The following NFIB variants were observed in gnomAD, a reference collection of about 807,000 sequenced individuals.
NFIB encodes nuclear factor I B, also known as nuclear factor 1 B-type.
NFIB carries 11 observed loss-of-function variants against 61.5 expected under a neutral mutation model. The ratio of observed to expected loss-of-function variants is 0.18; its 90% CI spans 0.11 to 0.30. NFIB has a LOEUF of 0.30. NFIB is among the 10% of genes least tolerant of loss of function. NFIB has a pLI of 1.00. For synonymous variants in NFIB, 260 were observed against 216.5 expected (o/e 1.20, Z -1.76); for missense variants, 471 against 608.9 (o/e 0.77, Z 2.38).
intron 2 of NFIB, among the ~76,000 whole-genome samples, chr9:14,244,532 T>G (rs1053093956): frequency 1.4e-4 from 22 of 152,116 alleles, no homozygotes; most frequent in African/African-American, 4.8e-4. Flanking sequence ...ACCGATAACT[T>G]TAATCTCCAC....
At chr9:14,266,738 C>G (rs1012751444) in intron 2 of NFIB, among the ~76,000 whole-genome samples, 1 of 152,152 alleles carries the variant, frequency 6.6e-6, no homozygotes, top group Non-Finnish European at 1.5e-5. Context: ...CTCTCCCTTA[C>G]CCTCTACATC....
the NFIB span, among the ~76,000 whole-genome samples, chr9:14,429,474 C>A: frequency 6.6e-6 from 1 of 152,172 alleles, no homozygotes; most frequent in South Asian, 2.1e-4. Flanking sequence ...CCAGGCCTTG[C>A]CACAGATCTT....
the NFIB span, among the ~76,000 whole-genome samples, chr9:14,419,869 A>G: frequency 1.1e-4 from 17 of 152,326 alleles, no homozygotes; most frequent in African/African-American, 4.1e-4. Flanking sequence ...GAAAACATGA[A>G]CCTGAGCTTG....
At chr9:14,225,048 C>T (rs2052192409) in intron 2 of NFIB, among the ~76,000 whole-genome samples, 1 of 152,116 alleles carries the variant, frequency 6.6e-6, no homozygotes, top group Non-Finnish European at 1.5e-5. Context: ...AACTGCAACT[C>T]TGTACCCTCT....
intron 1 of NFIB, among the ~76,000 whole-genome samples, chr9:14,365,111 G>A (rs2061284794): frequency 6.6e-6 from 1 of 152,166 alleles, no homozygotes; most frequent in South Asian, 2.1e-4. Flanking sequence ...AAAGTGCTTA[G>A]CCCAGTGTCC....
At chr9:14,422,070 A>T in the NFIB span, among the ~76,000 whole-genome samples, 1 of 152,232 alleles carries the variant, frequency 6.6e-6, no homozygotes, top group African/African-American at 2.4e-5. Context: ...TAATATAATC[A>T]TATAAACAGG....
chr9:14,395,373 T>C (rs2061672668), intron 1 of NFIB, among the ~76,000 whole-genome samples: 1 of 149,240 alleles, frequency 6.7e-6, no homozygotes, highest in African/African-American at 2.5e-5. Context: ...AAAGTTTGGA[T>C]CCTGTTTGAA....
rs577486646 is a variant in NFIB, at chr9:14,379,902, C to G, written c.108+18622G>C. The stretch of plus-strand genomic sequence containing the variant: ...TTCACCATGTTGGCCAGGCTGGTCT[C>G]GAACTCCTGACCTCAGGTGATCCGC... On this transcript the variant is annotated intron_variant, in intron 1 of 8. Transcript: ENST00000380934. Among the ~76,000 whole-genome samples, 82 of 152,018 alleles carry G rather than the reference C, an allele frequency of 5.4e-4. No individual in the cohort carries two copies. In the Middle Eastern group the frequency reaches 0.02, roughly 38 times the overall value.
intron 1 of NFIB, among the ~76,000 whole-genome samples, chr9:14,328,497 T>G (rs1282719339): frequency 1.3e-5 from 2 of 152,008 alleles, no homozygotes; most frequent in Non-Finnish European, 2.9e-5. Context: ...ATCTTTAATT[T>G]TTTTTGGTTA....
the NFIB span, among the ~76,000 whole-genome samples, chr9:14,517,197 CA>C: frequency 6.6e-6 from 1 of 152,322 alleles, no homozygotes; most frequent in East Asian, 1.9e-4. Context: ...ATCATCACTC[CA>C]AGGCCCACAG....
intron 2 of NFIB, among the ~76,000 whole-genome samples, chr9:14,296,137 G>A (rs1689147351): frequency 6.6e-6 from 1 of 152,152 alleles, no homozygotes. Flanking sequence ...ATGACCCTCT[G>A]CTTCATATCC....
the NFIB span, among the ~76,000 whole-genome samples, chr9:14,530,044 C>T: frequency 1.3e-5 from 2 of 152,058 alleles, no homozygotes; most frequent in Admixed American, 6.6e-5. Flanking sequence ...CATCTTAATC[C>T]CAGTTTTTCA....
chr9:14,463,515 A>C, the NFIB span, among the ~76,000 whole-genome samples: 2 of 152,152 alleles, frequency 1.3e-5, no homozygotes, highest in Non-Finnish European at 2.9e-5. Context: ...TGATGTTGTT[A>C]ATAGCAAAGG....
chr9:14,108,833 T>TTG (rs2036937205), intron 10 of NFIB, among the ~76,000 whole-genome samples: 1 of 152,114 alleles, frequency 6.6e-6, no homozygotes, highest in African/African-American at 2.4e-5. Context: ...ATTTATTCAG[T>TTG]TGAAATCTCA....
At chr9:14,151,243 TC>T (rs2042839739) in intron 4 of NFIB, among the ~76,000 whole-genome samples, 1 of 152,082 alleles carries the variant, frequency 6.6e-6, no homozygotes, top group South Asian at 2.1e-4. Flanking sequence ...TGCTTTCTCC[TC>T]CAAACTTCTT....
intron 10 of NFIB, among the ~76,000 whole-genome samples, chr9:14,103,860 C>T (rs1283891015): frequency 6.6e-6 from 1 of 151,912 alleles, no homozygotes; most frequent in Non-Finnish European, 1.5e-5. Context: ...GTAGATTCTG[C>T]TCAGGATATA....
intron 2 of NFIB, among the ~76,000 whole-genome samples, chr9:14,262,568 G>A (rs2056853472): frequency 6.6e-6 from 1 of 152,076 alleles, no homozygotes; most frequent in African/African-American, 2.4e-5. Context: ...GTGGGCTGAA[G>A]GCTAGAAAAA....
At position 14,087,167 on chromosome 9, in the gene NFIB, T is replaced by A; in HGVS notation, c.*1142A>T. ...TTTTGTACACCCTATGGGTTCTTGA[T>A]GCAACCAGTAATTTTAAATAAATAA... On this transcript the variant is annotated 3_prime_UTR_variant, in exon 11 of 11. Transcript: ENST00000380953. 1 of 200,710 alleles carries A rather than the reference T, an allele frequency of 5.0e-6. No individual in the cohort carries two copies. Among genetic ancestry groups the A allele is most frequent in the East Asian group, 7.7e-5 (1 of 12,990 alleles). 12.4% of individuals were successfully genotyped at this position (200,710 alleles called of 1,614,324 possible). A position where few individuals can be genotyped will look rare whatever the true frequency, so the allele number is the denominator to read the frequency against.
intron 3 of NFIB, among the ~76,000 whole-genome samples, chr9:14,159,253 C>A (rs989991347): frequency 6.6e-6 from 1 of 152,170 alleles, no homozygotes; most frequent in Non-Finnish European, 1.5e-5. Flanking sequence ...TCTCCACTCC[C>A]CACCCCCAAC....
Sources: allele counts gnomAD v4.1 joint callset (sites outside exome capture counted in the v4.1 genomes callset), GRCh38; gene constraint gnomAD v4.1.1; transcripts MANE v1.5; gene names NCBI Gene and HGNC (gene_info 2026-07-23, HGNC 2026-07-21).